Variants in FAM219A observed in about 807,000 individuals in gnomAD.
The protein encoded by FAM219A is protein FAM219A.
FAM219A carries 7 observed loss-of-function variants against 23.4 expected under a neutral mutation model. That is an observed-to-expected ratio of 0.30 (90% confidence interval 0.17 to 0.56). FAM219A has a LOEUF of 0.56. FAM219A is among the 20% of genes least tolerant of loss of function. FAM219A has a pLI of 0.92. For synonymous variants in FAM219A, 93 were observed against 99.0 expected, an observed-to-expected ratio of 0.94 and a Z score of 0.36; for missense variants, 166 against 246.9, an observed-to-expected ratio of 0.67 and a Z score of 2.20.
chr9:34,439,212 C>A (rs1452983804), intron 1 of FAM219A, among the ~76,000 whole-genome samples: 1 of 152,224 alleles, frequency 6.6e-6, no homozygotes, highest in African/African-American at 2.4e-5. Flanking sequence ...CGAGGGTCCG[C>A]GGCTTTATTC....
rs1823854979 is a variant in FAM219A at position 34,458,497 on chromosome 9, C to T, written c.-234G>A. On this transcript the variant is annotated 5_prime_UTR_variant, in exon 1 of 6. Transcript: ENST00000651358. This position sits in a 1 kb window ranked among gnomAD's most constrained non-coding sequence, Gnocchi z 6.6. Reference sequence around the variant, plus strand: ...TAGCACTACCGCGGCTGTGGCCGGGCCGAGCCGCAGGTCTTGCCTCGCCTC... The same window carrying T: ...TAGCACTACCGCGGCTGTGGCCGGGTCGAGCCGCAGGTCTTGCCTCGCCTC... 5.3e-6 allele frequency: 2 copies of T among 377,020 alleles called. No individual in the cohort carries two copies. Among genetic ancestry groups the T allele is most frequent in the African/African-American group, 2.1e-5 (1 of 47,136 alleles). 23.4% of individuals were successfully genotyped at this position (377,020 alleles called of 1,614,324 possible). A position where few individuals can be genotyped will look rare whatever the true frequency, so the allele number is the denominator to read the frequency against.
At chr9:34,424,833 G>T (rs149046881) in intron 1 of FAM219A, among the ~76,000 whole-genome samples, 141 of 152,180 alleles carry the variant, frequency 9.3e-4, no homozygotes, top group Middle Eastern at 3.4e-3. Context: ...TTTTGAAATA[G>T]GGTCTCACTC....
chr9:34,426,955 T>G (rs1822506354), intron 1 of FAM219A, among the ~76,000 whole-genome samples: 1 of 151,972 alleles, frequency 6.6e-6, no homozygotes, highest in African/African-American at 2.4e-5. Context: ...CAGCACTTTT[T>G]TTTTTTTTCT....
chr9:34,404,237 T>C (rs1387352566), intron 2 of FAM219A, among the ~76,000 whole-genome samples: 1 of 152,020 alleles, frequency 6.6e-6, no homozygotes, highest in Non-Finnish European at 1.5e-5. Flanking sequence ...AAGATTTAGG[T>C]GGTGGAAGAG....
rs1257667438 is a variant in FAM219A, at chr9:34,458,570, C to G, written c.-307G>C. 1.8e-5 allele frequency: 7 copies of G among 395,398 alleles called. No homozygotes were observed. In the Admixed American group the frequency reaches 2.8e-4, roughly 16 times the overall value. 24.5% of individuals were successfully genotyped at this position (395,398 alleles called of 1,614,324 possible). A position where few individuals can be genotyped will look rare whatever the true frequency, so the allele number is the denominator to read the frequency against. On this transcript the variant is annotated 5_prime_UTR_variant, in exon 1 of 6. Transcript: ENST00000651358. This position sits in a 1 kb window ranked among gnomAD's most constrained non-coding sequence, Gnocchi z 6.6. The stretch of plus-strand genomic sequence containing the variant: ...CAGCAGCTCAGCCACTGCGGTGACT[C>G]GGCAACTCCACTTCCGGGTCCGGGA...
At chr9:34,411,552 C>T (rs1282160373) in intron 1 of FAM219A, among the ~76,000 whole-genome samples, 1 of 151,710 alleles carries the variant, frequency 6.6e-6, no homozygotes, top group African/African-American at 2.4e-5. Context: ...TGGTGGGCGC[C>T]TGTAGTCCTA....
At chr9:34,424,704 G>A (rs1410653476) in intron 1 of FAM219A, among the ~76,000 whole-genome samples, 2 of 152,190 alleles carry the variant, frequency 1.3e-5, no homozygotes, top group Non-Finnish European at 2.9e-5. Flanking sequence ...AGCAGCCTGC[G>A]TTGCGATTTT....
intron 1 of FAM219A, among the ~76,000 whole-genome samples, chr9:34,408,043 G>C (rs1443368608): frequency 6.6e-6 from 1 of 152,218 alleles, no homozygotes. Context: ...TGGGTGGGTT[G>C]TGTTGCCACA....
chr9:34,456,580 G>A (rs75809851), intron 1 of FAM219A, among the ~76,000 whole-genome samples: 7,575 of 152,246 alleles, frequency 0.05, 276 homozygotes, highest in Non-Finnish European at 0.065. Flanking sequence ...CTTAGAACTG[G>A]AAGGGCAATC....
In FAM219A at chr9:34,417,763, G is replaced by A. The variant is rs566966871; in HGVS notation, c.61-11799C>T. Among the ~76,000 whole-genome samples the A allele has an allele frequency of 3.4e-4, 51 of 152,104 alleles. No individual in the cohort carries two copies. The highest frequency in any genetic ancestry group is 6.2e-4 in the Non-Finnish European group (42 of 68,030). ...GCTCTGTTCCAGTCCTCATTTACCTGGTTCCCTCTGGGAAATCTTCTTTCA... is the reference window on the plus strand; with the variant it reads ...GCTCTGTTCCAGTCCTCATTTACCTAGTTCCCTCTGGGAAATCTTCTTTCA... On this transcript the variant is annotated intron_variant, in intron 1 of 5. Coordinates refer to ENST00000651358, the MANE Select transcript of FAM219A (RefSeq NM_001184940.2). This position sits in a 1 kb window ranked among gnomAD's most constrained non-coding sequence, Gnocchi z 4.1.
At chr9:34,416,260 G>GGGGAGGGA (rs1252309714) in intron 1 of FAM219A, among the ~76,000 whole-genome samples, 1 of 77,214 alleles carries the variant, frequency 1.3e-5, no homozygotes, top group African/African-American at 5.0e-5. Context: ...AGAAAGAAAG[G>GGGGAGGGA]GGGAGGGAGG....
Position 34,400,328 on chromosome 9 carries a change from G to C in FAM219A, c.*636C>G, listed in dbSNP as rs897581051. ...CACCTTACCCTGCCCCACTCCCAGAGTGCAAGGAAGCGGGTGAATGGGGCA... is the reference window on the plus strand; with the variant it reads ...CACCTTACCCTGCCCCACTCCCAGACTGCAAGGAAGCGGGTGAATGGGGCA... On this transcript the variant is annotated 3_prime_UTR_variant, in exon 6 of 6. Coordinates refer to ENST00000651358, the MANE Select transcript of FAM219A (RefSeq NM_001184940.2). 3 of 152,714 alleles carry C rather than the reference G, an allele frequency of 2.0e-5. No homozygotes were observed. The highest frequency in any genetic ancestry group is 1.3e-4 in the Admixed American group (2 of 15,314). 9.5% of individuals were successfully genotyped at this position (152,714 alleles called of 1,614,324 possible).
At chr9:34,411,148 G>A (rs1033649173) in intron 1 of FAM219A, among the ~76,000 whole-genome samples, 6 of 152,120 alleles carry the variant, frequency 3.9e-5, no homozygotes, top group African/African-American at 1.4e-4. Flanking sequence ...CCTCCTTAGG[G>A]TGATGAAAGA....
rs773035306 is a variant in FAM219A, at chr9:34,437,540, G to T, written c.60+20664C>A. Among the ~76,000 whole-genome samples, 118 of 152,202 alleles carry T rather than the reference G, an allele frequency of 7.8e-4. 1 individual carries two copies. The highest frequency in any genetic ancestry group is 2.6e-3 in the Admixed American group (39 of 15,278). On this transcript the variant is annotated intron_variant, in intron 1 of 5. Coordinates refer to ENST00000651358, the MANE Select transcript of FAM219A (RefSeq NM_001184940.2). ...GTGACAATGCTCCAAAATGCCAAAA[G>T]GGGGCAGTGCAGTGTTACAGTTAAG...
At chr9:34,423,905 T>C (rs1486282018) in intron 1 of FAM219A, among the ~76,000 whole-genome samples, 1 of 152,164 alleles carries the variant, frequency 6.6e-6, no homozygotes, top group African/African-American at 2.4e-5. Flanking sequence ...ACTGCGTGAA[T>C]TGTGATGCCA....
intron 1 of FAM219A, among the ~76,000 whole-genome samples, chr9:34,437,140 C>T (rs1184346032): frequency 6.6e-6 from 1 of 152,202 alleles, no homozygotes; most frequent in Non-Finnish European, 1.5e-5. Flanking sequence ...ATTTCCGGGG[C>T]TCTATCTTTC....
chr9:34,408,275 G>A (rs1328100924), intron 1 of FAM219A, among the ~76,000 whole-genome samples: 1 of 152,170 alleles, frequency 6.6e-6, no homozygotes, highest in Admixed American at 6.5e-5. Context: ...GTCCTGCACA[G>A]CCTTGGAAAA....
chr9:34,458,300 G>A lies in FAM219A; in HGVS notation c.-37C>T. The A allele has an allele frequency of 7.5e-7, 1 of 1,335,696 alleles. No homozygotes were observed. The allele number at this position is 1,335,696 out of a possible 1,614,324, so 82.7% of individuals were successfully genotyped here. On this transcript the variant is annotated 5_prime_UTR_variant, in exon 1 of 6. Transcript: ENST00000651358. The surrounding 1 kb of genome is among the most constrained non-coding windows in gnomAD (Gnocchi z 6.6). ...GCGAGCGGGCCAGGGGCCGGGCGCG[G>A]CCGCGGACGCCGACAGGACCGCGCG...
At chr9:34,430,258 G>T (rs1357257319) in intron 1 of FAM219A, among the ~76,000 whole-genome samples, 1 of 152,172 alleles carries the variant, frequency 6.6e-6, no homozygotes, top group Non-Finnish European at 1.5e-5. Context: ...GTAGGGCTCA[G>T]TGGCTCATCC....
Sources: allele counts gnomAD v4.1 joint callset (sites outside exome capture counted in the v4.1 genomes callset), GRCh38; gene constraint gnomAD v4.1.1; non-coding constraint Gnocchi (gnomAD v3.1); transcripts MANE v1.5; gene names NCBI Gene and HGNC (gene_info 2026-07-23, HGNC 2026-07-21).